The following ERO1B variants were observed in gnomAD, a reference collection of about 807,000 sequenced individuals.
ERO1B encodes the protein endoplasmic reticulum oxidoreductase 1 beta, also known as ERO1-like protein beta.
Under a neutral mutation model 75.3 loss-of-function variants are expected in ERO1B, and 49 were observed. That is an observed-to-expected ratio of 0.65 (90% confidence interval 0.52 to 0.83). ERO1B has a LOEUF of 0.83. Among genes scored for constraint, ERO1B ranks in the 40% least tolerant of loss-of-function variants. The pLI is 0.00. For missense variants in ERO1B, 512 were observed against 560.1 expected, an observed-to-expected ratio of 0.91 and a Z score of 0.87; for synonymous variants, 191 against 192.9, an observed-to-expected ratio of 0.99 and a Z score of 0.08.
intron 1 of ERO1B, 84 bp from the exon 2 acceptor site, chr1:236,270,078 A>G: frequency 9.7e-7 from 1 of 1,029,238 alleles, no homozygotes; most frequent in Admixed American, 2.8e-5. Context: ...AATGTAATTT[A>G]TTCATTCAAG....
chr1:236,279,853 A>C (rs1445457363), intron 1 of ERO1B, among the ~76,000 whole-genome samples: 2 of 152,070 alleles, frequency 1.3e-5, no homozygotes, highest in African/African-American at 2.4e-5. Context: ...CAAAAAAAAA[A>C]AAAAAAAGAA....
intron 9 of ERO1B, among the ~76,000 whole-genome samples, chr1:236,231,376 CGTATT>C (rs1664403245): frequency 6.6e-6 from 1 of 151,564 alleles, no homozygotes; most frequent in Non-Finnish European, 1.5e-5. Flanking sequence ...TTAATTACAA[CGTATT>C]GTATTCTTGA....
intron 6 of ERO1B, among the ~76,000 whole-genome samples, chr1:236,238,052 G>A (rs932243211): frequency 6.6e-6 from 1 of 152,104 alleles, no homozygotes; most frequent in African/African-American, 2.4e-5. Flanking sequence ...TCTTAGCCAG[G>A]CTGGTCTCAA....
At chr1:236,246,411 A>G (rs958444582) in intron 5 of ERO1B, among the ~76,000 whole-genome samples, 2 of 151,942 alleles carry the variant, frequency 1.3e-5, no homozygotes, top group African/African-American at 4.8e-5. Flanking sequence ...GCTTCAACCA[A>G]TCCTCCTCCC....
intron 3 of ERO1B, among the ~76,000 whole-genome samples, chr1:236,252,902 T>C (rs148822516): frequency 9.9e-5 from 15 of 152,000 alleles, no homozygotes; most frequent in African/African-American, 3.1e-4. Context: ...TAATTAATTA[T>C]GTTAGATAAC....
chr1:236,271,374 A>G (rs1665585250), intron 1 of ERO1B, among the ~76,000 whole-genome samples: 1 of 152,168 alleles, frequency 6.6e-6, no homozygotes. Context: ...TCCCTTCAAC[A>G]GAGTTAGGGC....
chr1:236,247,244 T>C (rs1259460621), intron 5 of ERO1B, among the ~76,000 whole-genome samples: 1 of 152,182 alleles, frequency 6.6e-6, no homozygotes, highest in African/African-American at 2.4e-5. Flanking sequence ...ACCTGAAATC[T>C]CCAAGTGGAT....
At chr1:236,247,080 T>C (rs1664901764) in intron 5 of ERO1B, among the ~76,000 whole-genome samples, 1 of 152,138 alleles carries the variant, frequency 6.6e-6, no homozygotes, top group Non-Finnish European at 1.5e-5. Flanking sequence ...TACCCCAAAA[T>C]CTTCCAATGA....
rs574004838 is a variant in ERO1B, at chr1:236,260,543, T to A, written c.223-7038A>T. 4.0e-5 allele frequency among the ~76,000 whole-genome samples: 6 copies of A among 151,870 alleles called. No homozygotes were observed. The South Asian group carries it at 1.2e-3, about 32-fold the overall frequency. On this transcript the variant is annotated intron_variant, in intron 2 of 15. Transcript: ENST00000354619. Reference sequence around the variant, plus strand: ...AGCTGGGTGTGGTGGCATGGGCCTATAATCCCAGCTACTCAACAGGCTGAG... The same window carrying A: ...AGCTGGGTGTGGTGGCATGGGCCTAAAATCCCAGCTACTCAACAGGCTGAG...
At chr1:236,268,171 C>T (rs1034678543) in intron 2 of ERO1B, among the ~76,000 whole-genome samples, 30 of 152,174 alleles carry the variant, frequency 2.0e-4, no homozygotes, top group Middle Eastern at 3.2e-3. Flanking sequence ...GTTCCCAAAT[C>T]TTTAATTCTC....
At position 236,249,945 on chromosome 1, in the gene ERO1B, G is replaced by T. The variant is rs1369133439; in HGVS notation, c.371C>A (p.Thr124Asn). Residue 124 changes from threonine to asparagine, a missense_variant, in exon 5 of 16, where the codon ACC becomes AAC. Coordinates refer to ENST00000354619, the MANE Select transcript of ERO1B (RefSeq NM_019891.4). ...SNKYLKMANN[T>N]KELEDCEQAN... ...TTGCTCACAATCTTCTAATTCTTTG[G>T]TATTGTTTGCCATTTTCAAGTACTG... 6.2e-7 allele frequency: 1 copy of T among 1,600,186 alleles called. No individual in the cohort carries two copies. The highest frequency in any genetic ancestry group is 8.5e-7 in the Non-Finnish European group (1 of 1,174,580).
chr1:236,240,431 A>T (rs767504970), intron 6 of ERO1B, among the ~76,000 whole-genome samples: 11 of 152,158 alleles, frequency 7.2e-5, no homozygotes, highest in Non-Finnish European at 1.3e-4. Flanking sequence ...TTAAGCTTAA[A>T]GCCCTCCATC....
At chr1:236,252,027 C>T (rs996484169) in intron 4 of ERO1B, 23 bp downstream of exon 4, 4 of 1,533,886 alleles carry the variant, frequency 2.6e-6, no homozygotes, top group Non-Finnish European at 2.7e-6. Context: ...AGCAGAAACA[C>T]TCAAGGAAGA....
At chr1:236,234,950 A>T (rs1239659895) in intron 8 of ERO1B, among the ~76,000 whole-genome samples, 5 of 152,248 alleles carry the variant, frequency 3.3e-5, no homozygotes, top group Admixed American at 2.6e-4. Context: ...CCACATTTTT[A>T]AAATTCAAAA....
rs551061183 is a variant in ERO1B, at chr1:236,249,448, G to A, written c.431+437C>T. ...TTGAGGCCATTTATATATTGTTTAT[G>A]CTGGTTTCTGTGTAGAACAAATAAG... On this transcript the variant is annotated intron_variant, in intron 5 of 15. Coordinates refer to ENST00000354619, the MANE Select transcript of ERO1B (RefSeq NM_019891.4). Among the ~76,000 whole-genome samples the A allele has an allele frequency of 6.6e-5, 10 of 152,216 alleles. No homozygotes were observed. The South Asian group carries it at 2.1e-3, about 32-fold the overall frequency.
chr1:236,274,353 T>C (rs1425984346), intron 1 of ERO1B, among the ~76,000 whole-genome samples: 1 of 150,380 alleles, frequency 6.6e-6, no homozygotes, highest in East Asian at 1.9e-4. Context: ...TGAAAGATTA[T>C]CTTTTTTCTT....
intron 1 of ERO1B, among the ~76,000 whole-genome samples, chr1:236,271,905 T>TA (rs1415297611): frequency 6.6e-6 from 1 of 152,190 alleles, no homozygotes; most frequent in Non-Finnish European, 1.5e-5. Flanking sequence ...TTTACTTCTT[T>TA]AAAACATTTT....
intron 4 of ERO1B, among the ~76,000 whole-genome samples, chr1:236,251,692 T>G (rs2274237): frequency 0.069 from 10,466 of 152,216 alleles, 749 homozygotes; most frequent in East Asian, 0.39. Flanking sequence ...GCTCAAAATA[T>G]CTTGATAATT....
chr1:236,275,677 C>T (rs1665694933), intron 1 of ERO1B, among the ~76,000 whole-genome samples: 2 of 152,164 alleles, frequency 1.3e-5, no homozygotes, highest in Admixed American at 1.3e-4. Flanking sequence ...AGCCCCCAAT[C>T]CTGAGGCTAT....
Sources: allele counts gnomAD v4.1 joint callset (sites outside exome capture counted in the v4.1 genomes callset), GRCh38; gene constraint gnomAD v4.1.1; transcripts MANE v1.5; gene names NCBI Gene and HGNC (gene_info 2026-07-23, HGNC 2026-07-21).